Variants in SFI1 observed in about 807,000 individuals in gnomAD.
SFI1 encodes protein SFI1 homolog.
SFI1 carries 195 observed loss-of-function variants against 207.5 expected under a neutral mutation model. That is an observed-to-expected ratio of 0.94 (90% CI 0.84 to 1.06). SFI1 has a LOEUF of 1.06. Among genes scored for constraint, SFI1 ranks in the 50% least tolerant of loss-of-function variants. SFI1 has a pLI of 0.00. For synonymous variants in SFI1, 630 were observed against 598.9 expected (o/e 1.05, Z -0.76); for missense variants, 1,634 against 1,588.0 (o/e 1.03, Z -0.49).
intron 6 of SFI1, among the ~76,000 whole-genome samples, chr22:31,551,224 C>A (rs961498227): frequency 6.6e-6 from 1 of 152,134 alleles, no homozygotes; most frequent in East Asian, 1.9e-4. Flanking sequence ...TCATGACACT[C>A]CTTTACGTAA....
At chr22:31,575,085 CGTGTGTGTGTGT>C (rs71679890) in intron 9 of SFI1, 134 bp from the exon 10 acceptor site, 4,815 of 285,490 alleles carry the variant, frequency 0.017, 78 homozygotes, top group African/African-American at 0.049. Context: ...AAACTTAGTG[CGTGTGTGTGTGT>C]GTGTGTGTGT....
chr22:31,564,814 A>ATTT (rs776647555), intron 8 of SFI1, among the ~76,000 whole-genome samples: 2 of 111,956 alleles, frequency 1.8e-5, no homozygotes, highest in Non-Finnish European at 1.7e-5. Context: ...CTGGCCCAGA[A>ATTT]TTTTTTTTTT....
At chr22:31,518,562 G>A (rs1235727334) in intron 2 of SFI1, among the ~76,000 whole-genome samples, 3 of 151,980 alleles carry the variant, frequency 2.0e-5, no homozygotes, top group Non-Finnish European at 2.9e-5. Flanking sequence ...AACTGTATTA[G>A]TCTTTTTAAG....
intron 2 of SFI1, among the ~76,000 whole-genome samples, chr22:31,513,763 T>G (rs999895971): frequency 2.6e-5 from 4 of 151,706 alleles, no homozygotes; most frequent in African/African-American, 9.7e-5. Flanking sequence ...GAATTTTTAG[T>G]AGAGACAGGG....
chr22:31,593,113 C>T (rs1331882345), intron 15 of SFI1, among the ~76,000 whole-genome samples: 6 of 142,420 alleles, frequency 4.2e-5, no homozygotes, highest in South Asian at 2.4e-4. Context: ...CCGGATGGGG[C>T]GGCTGGCCGG....
chr22:31,611,385 G>A (rs2070106778), intron 23 of SFI1, 82 bp downstream of exon 23: 9 of 1,447,642 alleles, frequency 6.2e-6, no homozygotes, highest in Middle Eastern at 2.5e-4. Flanking sequence ...CTCAGGAAGG[G>A]GTCTTTCCTG....
At position 31,585,134 on chromosome 22, in the gene SFI1, G is replaced by A. The variant is rs1309136179; in HGVS notation, c.1413G>A (p.Gln471=). The change falls in exon 14 of 33, where the codon CAG becomes CAA. Residue 471 remains glutamine, a splice_region_variant and synonymous_variant. Coordinates refer to ENST00000400288, the MANE Select transcript of SFI1 (RefSeq NM_001007467.3). ...LQYTQKRRYK[Q]LLQARADGHF... ...ATACTCAGAAGAGGCGGTACAAGCAGGTATGGAGTACTTTTTAGCAGATAG... is the reference window on the plus strand; with the variant it reads ...ATACTCAGAAGAGGCGGTACAAGCAAGTATGGAGTACTTTTTAGCAGATAG... 1 of 1,613,300 alleles carries A rather than the reference G, an allele frequency of 6.2e-7. No individual in the cohort carries two copies. Among genetic ancestry groups the A allele is most frequent in the African/African-American group, 1.3e-5 (1 of 74,898 alleles).
At chr22:31,613,987 A>G in intron 27 of SFI1, 132 bp downstream of exon 27, 1 of 1,233,870 alleles carries the variant, frequency 8.1e-7, no homozygotes, top group Non-Finnish European at 1.1e-6. Flanking sequence ...AGCTGCTGGG[A>G]ACCCCCTCTT....
chr22:31,601,134 T>A (rs978973553), intron 15 of SFI1, among the ~76,000 whole-genome samples: 5 of 146,708 alleles, frequency 3.4e-5, no homozygotes, highest in Non-Finnish European at 7.5e-5. Flanking sequence ...TTTACTTTTT[T>A]TTTTTTTTTT....
Position 31,602,265 on chromosome 22 carries a change from A to G in SFI1, c.1598A>G (p.His533Arg), listed in dbSNP as rs2068239931. The G allele has an allele frequency of 6.2e-7, 1 of 1,614,062 alleles. No individual in the cohort carries two copies. Among genetic ancestry groups the G allele is most frequent in the Non-Finnish European group, 8.5e-7 (1 of 1,180,034 alleles). ...CTCTGGAGGCAGAAGATGTTTCAGC[A>G]TCGAGAAAACCGCCTGGCAGAGAGA... ...FSLWRQKMFQ[H>R]RENRLAERMA... Residue 533 changes from histidine to arginine, a missense_variant, in exon 16 of 33, where the codon CAT becomes CGT. His to Arg is a conservative substitution (Grantham distance 29). Transcript: ENST00000400288.
chr22:31,580,355 T>TGGTGTC lies in SFI1; in HGVS notation c.1240_1245dup (p.Gly414_Val415dup). 3.1e-6 allele frequency: 5 copies of TGGTGTC among 1,613,642 alleles called. No homozygotes were observed. Among genetic ancestry groups the TGGTGTC allele is most frequent in the Non-Finnish European group, 3.4e-6 (4 of 1,179,618 alleles). On this transcript the variant is annotated inframe_insertion, in exon 12 of 33. Transcript: ENST00000400288. ...GAAGGAATCTTGCTCACCAGCAGCA[T>TGGTGTC]GGTGTCACGGTGAGGGTTGTCTTCT...
chr22:31,572,240 C>T (rs140745858), intron 8 of SFI1, among the ~76,000 whole-genome samples: 1,777 of 152,076 alleles, frequency 0.012, 10 homozygotes, highest in Middle Eastern at 0.031. Context: ...AGGAGAGGTG[C>T]GACAGGCTGA....
intron 15 of SFI1, among the ~76,000 whole-genome samples, chr22:31,593,841 C>G (rs1480600006): frequency 1.4e-5 from 2 of 148,076 alleles, no homozygotes; most frequent in African/African-American, 4.9e-5. Flanking sequence ...CAAAACCAGT[C>G]AGGCGTGGCG....
intron 2 of SFI1, among the ~76,000 whole-genome samples, chr22:31,514,528 A>AAAAAAAC (rs2056196516): frequency 6.6e-6 from 1 of 150,670 alleles, no homozygotes; most frequent in Non-Finnish European, 1.5e-5. Flanking sequence ...AAAAAAAAAA[A>AAAAAAAC]AAATCAACTG....
At chr22:31,557,348 T>G (rs80270871) in intron 7 of SFI1, among the ~76,000 whole-genome samples, 6 of 135,270 alleles carry the variant, frequency 4.4e-5, no homozygotes, top group African/African-American at 1.1e-4. Context: ...CCAGCTAATG[T>G]TTTTTTTTTT....
intron 2 of SFI1, among the ~76,000 whole-genome samples, chr22:31,523,520 T>C (rs775424467): frequency 1.3e-5 from 2 of 152,212 alleles, no homozygotes; most frequent in Admixed American, 6.5e-5. Context: ...TCATCACACC[T>C]TAGAAATTCA....
chr22:31,600,551 C>T (rs73400251), intron 15 of SFI1, among the ~76,000 whole-genome samples: 3,941 of 152,252 alleles, frequency 0.026, 186 homozygotes, highest in African/African-American at 0.091. Flanking sequence ...CCTGGGACAA[C>T]CTCAGTAAAA....
At chr22:31,560,703 T>A (rs1311786559) in intron 7 of SFI1, among the ~76,000 whole-genome samples, 1 of 134,996 alleles carries the variant, frequency 7.4e-6, no homozygotes. Flanking sequence ...ACGCCTGGCC[T>A]TTTTTTTTTT....
rs943298414 is a variant in SFI1 at position 31,543,206 on chromosome 22, A to G, written c.339-3655A>G. ...AGGATGGTCTCGATCTCCTGACCTC[A>G]TGATCCACCCGCCTTGGCCTCCCAA... On this transcript the variant is annotated intron_variant, in intron 4 of 32. Coordinates refer to ENST00000400288, the MANE Select transcript of SFI1 (RefSeq NM_001007467.3). Among the ~76,000 whole-genome samples the G allele has an allele frequency of 2.7e-5, 4 of 148,140 alleles. No individual in the cohort carries two copies. In the South Asian group the frequency reaches 8.6e-4, roughly 32 times the overall value.
Sources: gnomAD v4.1 joint callset for allele counts (sites outside exome capture counted in the v4.1 genomes callset) on GRCh38, gnomAD v4.1.1 for gene constraint, MANE v1.5 for transcripts, NCBI Gene and HGNC (gene_info 2026-07-23, HGNC 2026-07-21) for gene names.